Variants in IP6K1 observed in about 807,000 individuals in gnomAD.
IP6K1 encodes ATP:1D-myo-inositol-hexakisphosphate phosphotransferase.
IP6K1 carries 13 observed loss-of-function variants against 38.3 expected under a neutral mutation model. That is an observed-to-expected ratio of 0.34 (90% CI 0.22 to 0.54). The LOEUF (loss-of-function observed/expected upper bound fraction) is 0.54. Ranked by LOEUF, IP6K1 falls within the 20% of genes least tolerant of loss-of-function variation. The pLI, the probability that IP6K1 is intolerant of heterozygous loss-of-function variation, is 0.92. For missense variants in IP6K1, 397 were observed against 599.8 expected (o/e 0.66, Z 3.53); for synonymous variants, 212 against 229.9 (o/e 0.92, Z 0.70).
chr3:49,735,876 C>A (rs1335242347), intron 3 of IP6K1, among the ~76,000 whole-genome samples: 1 of 152,126 alleles, frequency 6.6e-6, no homozygotes, highest in Non-Finnish European at 1.5e-5. Flanking sequence ...AAGGAAATTC[C>A]CAATTTCAGC....
intron 1 of IP6K1, among the ~76,000 whole-genome samples, chr3:49,759,739 G>A (rs2080853012): frequency 6.6e-6 from 1 of 152,134 alleles, no homozygotes; most frequent in South Asian, 2.1e-4. Context: ...AAGCAGATCA[G>A]CAACATGGAA....
At chr3:49,779,641 G>C (rs1385025609) in intron 1 of IP6K1, among the ~76,000 whole-genome samples, 3 of 152,004 alleles carry the variant, frequency 2.0e-5, no homozygotes, top group South Asian at 2.1e-4. Flanking sequence ...TTTTACTACA[G>C]AGTAAGTTGT....
Position 49,724,782 on chromosome 3 carries a change from GTCCCTGGC to G in IP6K1, c.*2332_*2339del, listed in dbSNP as rs2080481713. On this transcript the variant is annotated 3_prime_UTR_variant, in exon 6 of 6. Coordinates refer to ENST00000321599, the MANE Select transcript of IP6K1 (RefSeq NM_153273.4). ...ACAGGCCCAGAGAGGGAGGGGTGGG[GTCCCTGGC>G]AAGTTGCTACACTGGTCCCCTTCCT... is the stretch of plus-strand genomic sequence containing the variant. The G allele has an allele frequency of 6.6e-6, 1 of 152,630 alleles. No homozygotes were observed. The highest frequency in any genetic ancestry group is 2.1e-4 in the South Asian group (1 of 4,836). The allele number at this position is 152,630 out of a possible 1,614,324, so 9.5% of individuals were successfully genotyped here. A position where few individuals can be genotyped will look rare whatever the true frequency, so the allele number is the denominator to read the frequency against.
chr3:49,756,817 CAAAAAAAAA>C (rs59808252), intron 1 of IP6K1, among the ~76,000 whole-genome samples: 8 of 133,230 alleles, frequency 6.0e-5, no homozygotes, highest in East Asian at 2.1e-4. Context: ...AACTCCATCT[CAAAAAAAAA>C]AAAAAAAAAA....
At chr3:49,761,311 C>T (rs1185946055) in intron 1 of IP6K1, among the ~76,000 whole-genome samples, 3 of 136,906 alleles carry the variant, frequency 2.2e-5, no homozygotes. Flanking sequence ...GAAACTCCAT[C>T]TCCAAAAGAA....
chr3:49,784,560 G>C (rs1374973898), intron 1 of IP6K1, among the ~76,000 whole-genome samples: 1 of 151,548 alleles, frequency 6.6e-6, no homozygotes, highest in Non-Finnish European at 1.5e-5. Context: ...CAGGAGACTT[G>C]CTTGAACCCA....
intron 1 of IP6K1, among the ~76,000 whole-genome samples, chr3:49,774,489 A>C (rs1294665017): frequency 6.6e-6 from 1 of 152,074 alleles, no homozygotes; most frequent in Non-Finnish European, 1.5e-5. Flanking sequence ...ACAGAGTAAG[A>C]CCATGTAGTA....
At chr3:49,728,665 T>A (rs1187327594) in intron 4 of IP6K1, among the ~76,000 whole-genome samples, 1 of 151,944 alleles carries the variant, frequency 6.6e-6, no homozygotes, top group Non-Finnish European at 1.5e-5. Context: ...AACCTCTGCA[T>A]CCCAGGTTCA....
chr3:49,775,368 C>A, intron 1 of IP6K1: 1 of 344,728 alleles, frequency 2.9e-6, no homozygotes, highest in Non-Finnish European at 5.7e-6. Context: ...AATGTGACAG[C>A]AAGTGTGTGA....
intron 1 of IP6K1, among the ~76,000 whole-genome samples, chr3:49,768,435 A>G (rs2080929785): frequency 6.6e-6 from 1 of 152,230 alleles, no homozygotes; most frequent in African/African-American, 2.4e-5. Context: ...TAAGCCAGGC[A>G]CAAAAGGGAA....
At chr3:49,748,734 G>C (rs536004935) in intron 1 of IP6K1, 10 of 152,902 alleles carry the variant, frequency 6.5e-5, no homozygotes, top group Non-Finnish European at 1.5e-4. Flanking sequence ...GCAGGAACCA[G>C]TTTCATGGAA....
At chr3:49,773,563 G>T (rs2080978224) in intron 1 of IP6K1, among the ~76,000 whole-genome samples, 1 of 152,134 alleles carries the variant, frequency 6.6e-6, no homozygotes, top group African/African-American at 2.4e-5. Context: ...GTGAGCCAGT[G>T]AGCCGAGATC....
At chr3:49,781,262 C>T (rs1007477488) in intron 1 of IP6K1, among the ~76,000 whole-genome samples, 2 of 152,136 alleles carry the variant, frequency 1.3e-5, no homozygotes, top group Non-Finnish European at 2.9e-5. Flanking sequence ...AGAGTTTCAC[C>T]ATGTTGGCTA....
At chr3:49,731,848 G>A (rs977494812) in intron 4 of IP6K1, among the ~76,000 whole-genome samples, 5 of 125,850 alleles carry the variant, frequency 4.0e-5, no homozygotes, top group Non-Finnish European at 7.9e-5. Context: ...AGATCGCACC[G>A]CTGCACTTTG....
intron 1 of IP6K1, among the ~76,000 whole-genome samples, chr3:49,755,647 A>G (rs2080816664): frequency 1.3e-5 from 2 of 152,226 alleles, no homozygotes; most frequent in Non-Finnish European, 2.9e-5. Flanking sequence ...AACAACACAT[A>G]AAACTTGGGC....
intron 4 of IP6K1, 73 bp downstream of exon 4, chr3:49,732,718 T>G: frequency 7.8e-7 from 1 of 1,285,848 alleles, no homozygotes; most frequent in Non-Finnish European, 1.1e-6. Flanking sequence ...ACCTCAGCCA[T>G]AGGCAGAATG....
chr3:49,751,248 A>C (rs1434582150), intron 1 of IP6K1, among the ~76,000 whole-genome samples: 2 of 151,888 alleles, frequency 1.3e-5, no homozygotes, highest in African/African-American at 4.8e-5. Flanking sequence ...CTCTGCCTCC[A>C]GGGTTCAAGC....
chr3:49,771,548 C>T (rs11717463), intron 1 of IP6K1, among the ~76,000 whole-genome samples: 36,602 of 152,090 alleles, frequency 0.24, 4,932 homozygotes, highest in Non-Finnish European at 0.31. Flanking sequence ...CACACTACAA[C>T]ACACTTAATG....
Position 49,786,439 on chromosome 3 carries a change from G to C in IP6K1, c.-214C>G, listed in dbSNP as rs2108269927. 6.6e-6 allele frequency: 1 copy of C among 152,470 alleles called. No homozygotes were observed. 9.4% of individuals were successfully genotyped at this position (152,470 alleles called of 1,614,324 possible). A position where few individuals can be genotyped will look rare whatever the true frequency, so the allele number is the denominator to read the frequency against. ...CCAGGTTTCGGCCCGCCCCCTGGCA[G>C]GCAGCACAGGTGGCTGAGCACCGCT... On this transcript the variant is annotated 5_prime_UTR_variant, in exon 1 of 6. Transcript: ENST00000321599.
Sources: allele counts gnomAD v4.1 joint callset (sites outside exome capture counted in the v4.1 genomes callset), GRCh38; gene constraint gnomAD v4.1.1; transcripts MANE v1.5; gene names NCBI Gene and HGNC (gene_info 2026-07-23, HGNC 2026-07-21).